Variants in TFCP2 observed in about 807,000 individuals in gnomAD.
The protein encoded by TFCP2 is alpha-globin transcription factor CP2.
In TFCP2, 33 loss-of-function variants were observed where a neutral mutation model predicts 73.4. That is an observed-to-expected ratio of 0.45 (90% confidence interval 0.34 to 0.60). TFCP2 has a LOEUF of 0.60. Ranked by LOEUF, TFCP2 falls within the 20% of genes least tolerant of loss-of-function variation. The pLI, the probability that TFCP2 is intolerant of heterozygous loss-of-function variation, is 0.01. For missense variants in TFCP2, 352 were observed against 604.0 expected (o/e 0.58, Z 4.37); for synonymous variants, 193 against 211.6 (o/e 0.91, Z 0.76).
chr12:51,169,722 AAAAAG>A lies in TFCP2; in HGVS notation c.122+2574_122+2578del, dbSNP rs567765449. 3.3e-5 allele frequency among the ~76,000 whole-genome samples: 5 copies of A among 152,286 alleles called. No individual in the cohort carries two copies. The East Asian group carries it at 5.8e-4, about 18-fold the overall frequency. Reference sequence around the variant, plus strand: ...TGAGTGACAGAACAGGACCCGTCTCAAAAAGAAAAGAAAAGAAGAAAGTACTTAAA... The same window carrying A: ...TGAGTGACAGAACAGGACCCGTCTCAAAAAGAAAAGAAGAAAGTACTTAAA... On this transcript the variant is annotated intron_variant, in intron 1 of 14. Transcript: ENST00000257915.
intron 1 of TFCP2, among the ~76,000 whole-genome samples, chr12:51,145,393 A>AG (rs1555254746): frequency 6.9e-6 from 1 of 144,256 alleles, no homozygotes; most frequent in East Asian, 2.1e-4. Flanking sequence ...GAAAAAAAAA[A>AG]AAATACAAAT....
chr12:51,168,284 T>G (rs998872844), intron 1 of TFCP2, among the ~76,000 whole-genome samples: 1 of 151,856 alleles, frequency 6.6e-6, no homozygotes. Flanking sequence ...TACCCCCAGG[T>G]GCACTCCAGC....
At chr12:51,165,197 A>G (rs953116792) in intron 1 of TFCP2, among the ~76,000 whole-genome samples, 1 of 152,200 alleles carries the variant, frequency 6.6e-6, no homozygotes, top group Non-Finnish European at 1.5e-5. Flanking sequence ...TCTTAAAAAA[A>G]AGACATGATA....
At chr12:51,129,726 A>G (rs1940897855) in intron 1 of TFCP2, among the ~76,000 whole-genome samples, 1 of 152,078 alleles carries the variant, frequency 6.6e-6, no homozygotes, top group Non-Finnish European at 1.5e-5. Flanking sequence ...TGATTTTATT[A>G]TTCTAAAAAG....
intron 5 of TFCP2, among the ~76,000 whole-genome samples, chr12:51,110,115 T>C (rs1396175948): frequency 6.6e-6 from 1 of 152,166 alleles, no homozygotes. Context: ...TTACTTAACA[T>C]AGTGACTATT....
intron 1 of TFCP2, chr12:51,124,970 C>T (rs1170736552): frequency 2.7e-6 from 2 of 741,168 alleles, no homozygotes; most frequent in Non-Finnish European, 2.5e-6. Context: ...TGCTCACCTG[C>T]CTGGAGACCA....
chr12:51,125,835 T>A (rs79249938), intron 1 of TFCP2, among the ~76,000 whole-genome samples: 2 of 151,992 alleles, frequency 1.3e-5, no homozygotes, highest in Non-Finnish European at 2.9e-5. Context: ...TGGTGGCTCA[T>A]GCCTGTAATC....
Position 51,106,605 on chromosome 12 carries a change from T to C in TFCP2, c.837A>G (p.Pro279=), listed in dbSNP as rs775658067. 3 of 1,613,026 alleles carry C rather than the reference T, an allele frequency of 1.9e-6. No homozygotes were observed. The South Asian group carries it at 3.3e-5, about 18-fold the overall frequency. The change falls in exon 8 of 15, where the codon CCA becomes CCG. Residue 279 remains proline, a synonymous_variant. Coordinates refer to ENST00000257915, the MANE Select transcript of TFCP2 (RefSeq NM_005653.5). The part of the protein sequence containing the change: ...YETTILTECS[P]WPEITYVNNS... ...TATTGACATACGTGATCTCGGGCCA[T>C]GGAGAACACTAAAAACAAAGGATAA...
intron 1 of TFCP2, among the ~76,000 whole-genome samples, chr12:51,140,438 TC>T (rs1941164183): frequency 4.2e-5 from 5 of 120,066 alleles, no homozygotes; most frequent in African/African-American, 1.6e-4. Flanking sequence ...ATCTTTCTTT[TC>T]TTTTTCTTTT....
intron 1 of TFCP2, among the ~76,000 whole-genome samples, chr12:51,161,073 T>C (rs73305755): frequency 0.026 from 4,026 of 152,242 alleles, 165 homozygotes; most frequent in African/African-American, 0.089. Context: ...ACACTCTTTT[T>C]TTCTTTCTGT....
chr12:51,125,194 G>A (rs761901964), intron 1 of TFCP2: 35 of 669,812 alleles, frequency 5.2e-5, no homozygotes, highest in Middle Eastern at 2.5e-4. Flanking sequence ...GGTACATTAC[G>A]TGGTGGAGAA....
chr12:51,107,967 ATGTG>A (rs1199866046), intron 6 of TFCP2, among the ~76,000 whole-genome samples: 1 of 150,452 alleles, frequency 6.6e-6, no homozygotes, highest in Non-Finnish European at 1.5e-5. Context: ...ATAGCTATGT[ATGTG>A]TGTGTATAAA....
chr12:51,136,036 G>A (rs1042548454), intron 1 of TFCP2, among the ~76,000 whole-genome samples: 14 of 152,000 alleles, frequency 9.2e-5, no homozygotes, highest in African/African-American at 3.1e-4. Context: ...GCCGGGCGCG[G>A]TGGCTCATGC....
chr12:51,131,332 CA>C (rs34469805), intron 1 of TFCP2, among the ~76,000 whole-genome samples: 41 of 117,908 alleles, frequency 3.5e-4, no homozygotes, highest in Admixed American at 5.5e-4. Context: ...AAGACTGTCT[CA>C]AAAAAAAAAA....
At chr12:51,107,630 GGAGTCT>G (rs1940282971) in intron 6 of TFCP2, among the ~76,000 whole-genome samples, 3 of 150,790 alleles carry the variant, frequency 2.0e-5, no homozygotes, top group African/African-American at 7.3e-5. Context: ...TTTTTGAGAC[GGAGTCT>G]CATCCTGTCA....
chr12:51,157,937 C>A (rs1941572784), intron 1 of TFCP2, among the ~76,000 whole-genome samples: 1 of 152,008 alleles, frequency 6.6e-6, no homozygotes, highest in African/African-American at 2.4e-5. Context: ...TTTGAACTCC[C>A]AAAGTGCTGG....
At chr12:51,170,278 A>T (rs903933427) in intron 1 of TFCP2, among the ~76,000 whole-genome samples, 3 of 152,144 alleles carry the variant, frequency 2.0e-5, no homozygotes, top group African/African-American at 4.8e-5. Flanking sequence ...TTTCCCTGAA[A>T]ATCACTAAAA....
intron 1 of TFCP2, among the ~76,000 whole-genome samples, chr12:51,153,488 T>G (rs1941473116): frequency 6.6e-6 from 1 of 152,156 alleles, no homozygotes; most frequent in East Asian, 1.9e-4. Flanking sequence ...TGCTATTAAG[T>G]ACGTTCACCA....
At chr12:51,163,748 C>T (rs1428913384) in intron 1 of TFCP2, among the ~76,000 whole-genome samples, 1 of 149,794 alleles carries the variant, frequency 6.7e-6, no homozygotes, top group Non-Finnish European at 1.5e-5. Context: ...ATAGTGAAAC[C>T]CCCATCTCTA....
Sources: gnomAD v4.1 joint callset for allele counts (sites outside exome capture counted in the v4.1 genomes callset) on GRCh38, gnomAD v4.1.1 for gene constraint, MANE v1.5 for transcripts, NCBI Gene and HGNC (gene_info 2026-07-23, HGNC 2026-07-21) for gene names.